The following PRDM15 variants were observed in gnomAD, a reference collection of about 807,000 sequenced individuals.
PRDM15 encodes the protein PR domain zinc finger protein 15.
In PRDM15, 64 loss-of-function variants were observed where a neutral mutation model predicts 128.6. That is an observed-to-expected ratio of 0.50 (90% CI 0.41 to 0.61). The LOEUF (loss-of-function observed/expected upper bound fraction) is 0.61, where lower values mean the gene tolerates loss of function less well. Among genes scored for constraint, PRDM15 ranks in the 20% least tolerant of loss-of-function variants. The pLI, the probability that PRDM15 is intolerant of heterozygous loss-of-function variation, is 0.00. For missense variants in PRDM15, 1,242 were observed against 1,569.1 expected, an observed-to-expected ratio of 0.79 and a Z score of 3.52; for synonymous variants, 615 against 621.8, an observed-to-expected ratio of 0.99 and a Z score of 0.16.
chr21:41,843,430 C>T (rs1272817200), intron 6 of PRDM15, among the ~76,000 whole-genome samples: 1 of 152,282 alleles, frequency 6.6e-6, no homozygotes, highest in East Asian at 1.9e-4. Context: ...CCCTTTGCTC[C>T]TTTCCCTCAA....
At position 41,801,136 on chromosome 21, in the gene PRDM15, A is replaced by G. The variant is rs1019190319; in HGVS notation, c.*104T>C. On this transcript the variant is annotated 3_prime_UTR_variant, in exon 24 of 24. Coordinates refer to ENST00000398548, the MANE Select transcript of PRDM15 (RefSeq NM_001040424.3). Reference sequence around the variant, plus strand: ...CTCTGCAAAGCTAAGTCAACCTTACATTGCAATGTATGACTTTTTGTTTGT... The same window carrying G: ...CTCTGCAAAGCTAAGTCAACCTTACGTTGCAATGTATGACTTTTTGTTTGT... 12 of 1,439,808 alleles carry G rather than the reference A, an allele frequency of 8.3e-6. No individual in the cohort carries two copies. Among genetic ancestry groups the G allele is most frequent in the Non-Finnish European group, 1.1e-5 (12 of 1,084,006 alleles). 89.2% of individuals were successfully genotyped at this position (1,439,808 alleles called of 1,614,324 possible).
At position 41,815,685 on chromosome 21, in the gene PRDM15, G is replaced by A. The variant is rs756462969; in HGVS notation, c.2392+20C>T. 1.1e-5 allele frequency: 17 copies of A among 1,610,866 alleles called. No individual in the cohort carries two copies. The highest frequency in any genetic ancestry group is 6.7e-5 in the Admixed American group (4 of 59,954). The stretch of plus-strand genomic sequence containing the variant: ...ACACAGTGAGCGCCGTGGCTGGCGC[G>A]GCCCGGGCCTCGGACTCACCCGTGT... On this transcript the variant is annotated intron_variant, in intron 19 of 23. Coordinates refer to ENST00000398548, the MANE Select transcript of PRDM15 (RefSeq NM_001040424.3).
At chr21:41,829,559 A>G (rs2062609686) in intron 11 of PRDM15, among the ~76,000 whole-genome samples, 1 of 109,812 alleles carries the variant, frequency 9.1e-6, no homozygotes. Context: ...CATACACCAC[A>G]TACACAACCC....
intron 1 of PRDM15, among the ~76,000 whole-genome samples, chr21:41,873,255 A>G (rs1260854546): frequency 2.6e-5 from 4 of 152,080 alleles, no homozygotes; most frequent in South Asian, 2.1e-4. Context: ...TGGAAAGCAC[A>G]TTTTCCCGTA....
Position 41,821,804 on chromosome 21 carries a change from C to T in PRDM15, c.1896+99G>A, listed in dbSNP as rs1340499243. The T allele has an allele frequency of 1.2e-5, 17 of 1,459,086 alleles. No individual in the cohort carries two copies. The highest frequency in any genetic ancestry group is 8.3e-5 in the African/African-American group (6 of 71,884). 90.4% of individuals were successfully genotyped at this position (1,459,086 alleles called of 1,614,324 possible). ...GCCTTTGGGGAGGGAGGGCTGCTTC[C>T]GAGATGCATGAAGGTGCCTGCTGTG... On this transcript the variant is annotated intron_variant, in intron 15 of 23. Transcript: ENST00000398548. The surrounding 1 kb of genome is among the most constrained non-coding windows in gnomAD (Gnocchi z 5.4).
intron 18 of PRDM15, among the ~76,000 whole-genome samples, chr21:41,816,337 A>T (rs895053503): frequency 1.3e-5 from 2 of 152,202 alleles, no homozygotes; most frequent in Non-Finnish European, 2.9e-5. Context: ...TGGCCCTGGC[A>T]TAGGGGCTGA....
intron 6 of PRDM15, among the ~76,000 whole-genome samples, chr21:41,844,229 A>T (rs1334256502): frequency 6.6e-6 from 1 of 152,074 alleles, no homozygotes; most frequent in Non-Finnish European, 1.5e-5. Context: ...CCTTCTCTGA[A>T]GGCTTGTGCA....
rs1022465871 is a variant in PRDM15, at chr21:41,859,946, C to T, written c.38-261G>A. ...CAGGGAAAGCTCTAGCTCCGCCGCA[C>T]GCCTCAAATCAAGCACGGTCACCTC... On this transcript the variant is annotated intron_variant, in intron 2 of 23. Coordinates refer to ENST00000398548, the MANE Select transcript of PRDM15 (RefSeq NM_001040424.3). This position sits in a 1 kb window ranked among gnomAD's most constrained non-coding sequence, Gnocchi z 5.3. 1.3e-5 allele frequency among the ~76,000 whole-genome samples: 2 copies of T among 152,108 alleles called. No homozygotes were observed. The highest frequency in any genetic ancestry group is 2.9e-5 in the Non-Finnish European group (2 of 68,008).
intron 8 of PRDM15, among the ~76,000 whole-genome samples, chr21:41,837,412 G>T (rs2062930739): frequency 6.6e-6 from 1 of 152,210 alleles, no homozygotes; most frequent in Non-Finnish European, 1.5e-5. Context: ...ACACATGGAT[G>T]AGCCGGGGTA....
intron 1 of PRDM15, chr21:41,861,716 C>T (rs767712790): frequency 6.2e-7 from 1 of 1,614,166 alleles, no homozygotes; most frequent in Non-Finnish European, 8.5e-7. Context: ...CCGTGCAAAA[C>T]TCATATGGAA....
chr21:41,808,600 C>T (rs1190924796), intron 21 of PRDM15, among the ~76,000 whole-genome samples: 4 of 152,238 alleles, frequency 2.6e-5, no homozygotes, highest in Non-Finnish European at 5.9e-5. Flanking sequence ...AGAAATTACC[C>T]ATCACTTCAA....
rs1374257983 is a variant in PRDM15, at chr21:41,822,166, C to T, written c.1762-129G>A. The T allele has an allele frequency of 3.9e-6, 5 of 1,285,272 alleles. No individual in the cohort carries two copies. The East Asian group carries it at 9.5e-5, about 24-fold the overall frequency. 79.6% of individuals were successfully genotyped at this position (1,285,272 alleles called of 1,614,324 possible). A position where few individuals can be genotyped will look rare whatever the true frequency, so the allele number is the denominator to read the frequency against. On this transcript the variant is annotated intron_variant, in intron 14 of 23. Transcript: ENST00000398548. ...AATGCCTCTCTGATGCCCGTGGCGC[C>T]CTAACGAGCTACACTTGTGCCCTAG...
rs185376441 is a variant in PRDM15 at position 41,823,837 on chromosome 21, C to G, written c.1630-388G>C. On this transcript the variant is annotated intron_variant, in intron 13 of 23. Coordinates refer to ENST00000398548, the MANE Select transcript of PRDM15 (RefSeq NM_001040424.3). ...TATCAAAAAAGAAAGCTAGTTACCC[C>G]CTTGGCTTTTATACTGTGTTTAATG... 4.4e-3 allele frequency among the ~76,000 whole-genome samples: 664 copies of G among 152,310 alleles called. 1 individual carries two copies. Among genetic ancestry groups the G allele is most frequent in the Non-Finnish European group, 5.6e-3 (382 of 68,024 alleles).
chr21:41,833,007 A>T (rs2839385), intron 11 of PRDM15, among the ~76,000 whole-genome samples: 1 of 151,942 alleles, frequency 6.6e-6, no homozygotes, highest in Admixed American at 6.5e-5. Flanking sequence ...CGCCGAGGGG[A>T]TCTAGGTTTA....
chr21:41,879,161 G>A lies in PRDM15; in HGVS notation c.-10+109C>T, dbSNP rs1293387705. ...CGCGGCTGCCGGGCGCGGGGGGCGG[G>A]GGGCAGCGGGCCCAGGGCGCGCCGG... is the stretch of plus-strand genomic sequence containing the variant. On this transcript the variant is annotated intron_variant, in intron 1 of 23. Transcript: ENST00000398548. This position sits in a 1 kb window ranked among gnomAD's most constrained non-coding sequence, Gnocchi z 5.1. 8 of 919,670 alleles carry A rather than the reference G, an allele frequency of 8.7e-6. No homozygotes were observed. Among genetic ancestry groups the A allele is most frequent in the African/African-American group, 3.7e-5 (2 of 53,966 alleles). 57.0% of individuals were successfully genotyped at this position (919,670 alleles called of 1,614,324 possible).
rs1204393328 is a variant in PRDM15, at chr21:41,815,638, C to T, written c.2392+67G>A. 7.6e-6 allele frequency: 12 copies of T among 1,587,784 alleles called. No individual in the cohort carries two copies. The East Asian group carries it at 2.2e-4, about 30-fold the overall frequency. ...CGTCTCAAGGCGGCTCTCTCTTCTC[C>T]CACGGCCCACCTGGCTTCCCTACAC... On this transcript the variant is annotated intron_variant, in intron 19 of 23. Transcript: ENST00000398548.
At chr21:41,806,045 T>TCAC (rs1568880032) in intron 21 of PRDM15, among the ~76,000 whole-genome samples, 2 of 16,068 alleles carry the variant, frequency 1.2e-4, no homozygotes, top group African/African-American at 2.2e-4. Context: ...ACCACCACCA[T>TCAC]CACCACCACC....
At position 41,878,816 on chromosome 21, in the gene PRDM15, C is replaced by G. The variant is rs768943241; in HGVS notation, c.-10+454G>C. ...CCTGGGGCCTCGGCGACGACGCCGCCCGGCGGCGGGGGCCGCGGGGCCGCG... is the reference window on the plus strand; with the variant it reads ...CCTGGGGCCTCGGCGACGACGCCGCGCGGCGGCGGGGGCCGCGGGGCCGCG... On this transcript the variant is annotated intron_variant, in intron 1 of 23. Transcript: ENST00000398548. 7.7e-6 allele frequency: 9 copies of G among 1,166,760 alleles called. No individual in the cohort carries two copies. The South Asian group carries it at 3.2e-4, about 42-fold the overall frequency. The allele number at this position is 1,166,760 out of a possible 1,614,324, so 72.3% of individuals were successfully genotyped here.
chr21:41,858,779 G>A (rs959271840), intron 3 of PRDM15, among the ~76,000 whole-genome samples: 12 of 151,060 alleles, frequency 7.9e-5, no homozygotes, highest in Admixed American at 2.0e-4. Flanking sequence ...GGGAAGAGGG[G>A]GGTTGATCTA....
Sources: allele counts gnomAD v4.1 joint callset (sites outside exome capture counted in the v4.1 genomes callset), GRCh38; gene constraint gnomAD v4.1.1; non-coding constraint Gnocchi (gnomAD v3.1); transcripts MANE v1.5; gene names NCBI Gene and HGNC (gene_info 2026-07-23, HGNC 2026-07-21).